F5: variants seen among roughly 807,000 people sequenced by gnomAD.
F5 encodes activated protein c cofactor.
A neutral mutation model predicts 216.4 loss-of-function variants in F5; 138 were observed. The ratio of observed to expected loss-of-function variants is 0.64; its 90% CI spans 0.56 to 0.73. F5 has a LOEUF of 0.73. Ranked by LOEUF, F5 falls within the 30% of genes least tolerant of loss-of-function variation. The pLI is 0.00. For synonymous variants in F5, 916 were observed against 930.7 expected, an observed-to-expected ratio of 0.98 and a Z score of 0.29; for missense variants, 2,403 against 2,674.0, an observed-to-expected ratio of 0.90 and a Z score of 2.24.
In F5 at chr1:169,543,075, C is replaced by G. The variant is rs200240938; in HGVS notation, c.2015G>C (p.Ser672Thr). The G allele has an allele frequency of 4.0e-5, 65 of 1,613,900 alleles. No individual in the cohort carries two copies. In the African/African-American group the frequency reaches 7.6e-4, roughly 19 times the overall value. Residue 672 changes from serine (S) to threonine (T), a missense_variant, in exon 13 of 25, where the codon AGC becomes ACC. By Grantham distance (58) the Ser-to-Thr change is moderately conservative. Coordinates refer to ENST00000367797, the MANE Select transcript of F5 (RefSeq NM_000130.5). Reference protein sequence around the residue: ...MLTSMNSSPRSKKLRLKFRDV... With the variant: ...MLTSMNSSPRTKKLRLKFRDV... ...CCTGAATTTCAGCCTCAGCTTTTTG[C>G]TTCTTGGACTAGAATTCATGGAAGT...
chr1:169,534,611 T>G (rs1228553660), intron 14 of F5, among the ~76,000 whole-genome samples: 1 of 150,462 alleles, frequency 6.6e-6, no homozygotes, highest in Non-Finnish European at 1.5e-5. Context: ...GAGGTTGCAG[T>G]GAGTTGAGAT....
intron 23 of F5, among the ~76,000 whole-genome samples, chr1:169,518,173 T>C (rs1659202706): frequency 1.3e-5 from 2 of 152,182 alleles, no homozygotes; most frequent in Admixed American, 1.3e-4. Flanking sequence ...TTGCTTATTA[T>C]TGGTTTAAAT....
chr1:169,560,889 C>A, intron 3 of F5, 123 bp from the exon 4 acceptor site: 1 of 815,604 alleles, frequency 1.2e-6, no homozygotes, highest in Non-Finnish European at 2.1e-6. Flanking sequence ...CAATAGTGAA[C>A]TTTTATTATT....
At chr1:169,539,277 CA>C (rs1659775321) in intron 13 of F5, among the ~76,000 whole-genome samples, 1 of 152,134 alleles carries the variant, frequency 6.6e-6, no homozygotes, top group Admixed American at 6.6e-5. Flanking sequence ...CCCATCTTTC[CA>C]GACTCTGAGC....
chr1:169,540,592 C>G lies in F5; in HGVS notation c.4498G>C (p.Asp1500His). The change falls in exon 13 of 25, where the codon GAT becomes CAT. Residue 1500 changes from aspartate to histidine, a missense_variant. Around this residue, in one of 4 missense-constraint regions of F5, gnomAD observed 293 missense variants for 270.8 expected, o/e 1.08. Coordinates refer to ENST00000367797, the MANE Select transcript of F5 (RefSeq NM_000130.5). ...TTAAATTCCTTTGATAGAAAAGTAT[C>G]ATTGAGAGTAGGAGATGAAGGAGAT... ...MPSPSSPTLN[D>H]TFLSKEFNPL... 1 of 1,613,946 alleles carries G rather than the reference C, an allele frequency of 6.2e-7. No individual in the cohort carries two copies. The highest frequency in any genetic ancestry group is 1.3e-5 in the African/African-American group (1 of 75,024).
intron 20 of F5, among the ~76,000 whole-genome samples, chr1:169,523,596 T>A (rs967008733): frequency 2.0e-5 from 3 of 152,184 alleles, no homozygotes; most frequent in African/African-American, 7.2e-5. Flanking sequence ...GTGCCTTTTG[T>A]TTTTTAATCT....
rs1222192369 is a variant in F5, at chr1:169,559,344, C to A, written c.587-48G>T. ...TCAGTAGCACTGCAGATAGAAGACG[C>A]TCATTAGCTTTCCTGGATAGCAAAG... On this transcript the variant is annotated intron_variant, in intron 4 of 24. Coordinates refer to ENST00000367797, the MANE Select transcript of F5 (RefSeq NM_000130.5). 7 of 1,599,992 alleles carry A rather than the reference C, an allele frequency of 4.4e-6. No homozygotes were observed. In the African/African-American group the frequency reaches 5.4e-5, roughly 12 times the overall value.
At chr1:169,572,968 T>C (rs986788260) in intron 2 of F5, among the ~76,000 whole-genome samples, 1 of 151,146 alleles carries the variant, frequency 6.6e-6, no homozygotes, top group Admixed American at 6.6e-5. Flanking sequence ...TTTTTTGAGA[T>C]GGAGTCTCGC....
rs770011773 is a variant in F5, at chr1:169,549,812, G to A, written c.1600C>T (p.Arg534Ter). ...CAAGGACAAAATACCTGTATTCCTCGCCTGTCCAGGGATCTGCTCTTACAG... is the reference window on the plus strand; with the variant it reads ...CAAGGACAAAATACCTGTATTCCTCACCTGTCCAGGGATCTGCTCTTACAG... ...LICKSRSLDR[R>*]GIQRAADIEQ... Residue 534 changes from arginine (R) to a stop codon, truncating the protein, a stop_gained, in exon 10 of 25, where the codon CGA (arginine) becomes TGA (stop). Coordinates refer to ENST00000367797, the MANE Select transcript of F5 (RefSeq NM_000130.5). LOFTEE classifies it high-confidence loss of function. 8.7e-6 allele frequency: 14 copies of A among 1,612,748 alleles called. No homozygotes were observed. The highest frequency in any genetic ancestry group is 6.7e-5 in the East Asian group (3 of 44,860).
rs1399652781 is a variant in F5 at position 169,541,735 on chromosome 1, G to C, written c.3355C>G (p.Gln1119Glu). 2 of 1,614,032 alleles carry C rather than the reference G, an allele frequency of 1.2e-6. No individual in the cohort carries two copies. Among genetic ancestry groups the C allele is most frequent in the South Asian group, 2.2e-5 (2 of 91,078 alleles). The change falls in exon 13 of 25, where the codon CAG (glutamine) becomes GAG (glutamate). Residue 1119 changes from glutamine (Q) to glutamate (E), a missense_variant. This residue lies in a region of F5 where 1,425 missense variants were observed against 1,554.8 expected (regional missense o/e 0.92). Coordinates refer to ENST00000367797, the MANE Select transcript of F5 (RefSeq NM_000130.5). The part of the protein sequence containing the change: ...GQASCPPGLY[Q>E]TVPPEEHYQT... Reference sequence around the variant, plus strand: ...TAGTGTTCCTCTGGGGGCACTGTCTGATAAAGACCTGGAGGACAGCTTGCC... The same window carrying C: ...TAGTGTTCCTCTGGGGGCACTGTCTCATAAAGACCTGGAGGACAGCTTGCC...
chr1:169,524,738 A>C (rs1292188408), intron 19 of F5, 99 bp downstream of exon 19: 5 of 1,039,918 alleles, frequency 4.8e-6, no homozygotes, highest in Non-Finnish European at 7.6e-6. Flanking sequence ...ATAAAGAGAA[A>C]AACTGATTCA....
intron 23 of F5, among the ~76,000 whole-genome samples, chr1:169,516,017 G>A (rs546771517): frequency 6.6e-6 from 1 of 152,152 alleles, no homozygotes; most frequent in Admixed American, 6.6e-5. Context: ...AATTATCTGT[G>A]AATATTATTT....
At chr1:169,583,149 G>C (rs1199946113) in intron 1 of F5, among the ~76,000 whole-genome samples, 3 of 152,234 alleles carry the variant, frequency 2.0e-5, no homozygotes, top group Non-Finnish European at 2.9e-5. Context: ...TAAAATTAGA[G>C]AGAGGACAGA....
intron 3 of F5, 108 bp downstream of exon 3, chr1:169,572,113 A>C: frequency 3.2e-4 from 378 of 1,165,090 alleles, no homozygotes; most frequent in Non-Finnish European, 4.1e-4. Flanking sequence ...ACCAGTTGCA[A>C]GAGATTTCCC....
rs558404698 is a variant in F5 at position 169,526,035 on chromosome 1, A to G, written c.5600-18T>C. On this transcript the variant is annotated intron_variant, in intron 17 of 24. Transcript: ENST00000367797. ...AAATGAACCTAAAATAAAAAGAACAACATTACATTTGCAAAAATTAACAAG... is the reference window on the plus strand; with the variant it reads ...AAATGAACCTAAAATAAAAAGAACAGCATTACATTTGCAAAAATTAACAAG... The G allele has an allele frequency of 2.7e-5, 42 of 1,555,732 alleles. No individual in the cohort carries two copies. In the South Asian group the frequency reaches 3.3e-4, roughly 12 times the overall value.
chr1:169,524,322 G>A (rs1375957573), intron 19 of F5, among the ~76,000 whole-genome samples: 1 of 152,180 alleles, frequency 6.6e-6, no homozygotes, highest in Non-Finnish European at 1.5e-5. Context: ...GTTCAACAAA[G>A]TTTTCTGAAT....
intron 23 of F5, among the ~76,000 whole-genome samples, chr1:169,517,529 T>C (rs9332665): frequency 6.6e-6 from 1 of 151,878 alleles, no homozygotes; most frequent in African/African-American, 2.4e-5. Flanking sequence ...AGGATAGAAA[T>C]TAGGGAATTT....
intron 3 of F5, among the ~76,000 whole-genome samples, chr1:169,564,916 A>G (rs1660565581): frequency 6.6e-6 from 1 of 152,072 alleles, no homozygotes. Flanking sequence ...AGGTATATCT[A>G]GATTTACTTC....
chr1:169,555,347 G>C lies in F5; in HGVS notation c.953C>G (p.Ala318Gly). 1 of 1,613,958 alleles carries C rather than the reference G, an allele frequency of 6.2e-7. No homozygotes were observed. The highest frequency in any genetic ancestry group is 8.5e-7 in the Non-Finnish European group (1 of 1,179,938). ...ISSLTPKHLQ[A>G]GMQAYIDIKN... Reference sequence around the variant, plus strand: ...AATGTCAATGTAAGCCTGCATCCCAGCTGAGTTAGGACAGAAAGACAATGA... The same window carrying C: ...AATGTCAATGTAAGCCTGCATCCCACCTGAGTTAGGACAGAAAGACAATGA... Residue 318 changes from alanine to glycine, a missense_variant and splice_region_variant, in exon 7 of 25, where the codon GCT becomes GGT. Around this residue, in one of 4 missense-constraint regions of F5, gnomAD observed 1,425 missense variants for 1,554.8 expected, o/e 0.92. Transcript: ENST00000367797.
Sources: gnomAD v4.1 joint callset for allele counts (sites outside exome capture counted in the v4.1 genomes callset) on GRCh38, gnomAD v4.1.1 for gene constraint, gnomAD v4.1.1 regional missense constraint, MANE v1.5 for transcripts, NCBI Gene and HGNC (gene_info 2026-07-23, HGNC 2026-07-21) for gene names.